The following TSPAN9 variants were observed in gnomAD, a reference collection of about 807,000 sequenced individuals.
TSPAN9 encodes tetraspanin 9.
In TSPAN9, 16 loss-of-function variants were observed where a neutral mutation model predicts 31.0. The ratio of observed to expected loss-of-function variants is 0.52; its 90% CI spans 0.35 to 0.78. The LOEUF is 0.78. TSPAN9 is among the 30% of genes least tolerant of loss of function. The pLI, the probability that TSPAN9 is intolerant of heterozygous loss-of-function variation, is 0.01. For synonymous variants in TSPAN9, 145 were observed against 121.6 expected, an observed-to-expected ratio of 1.19 and a Z score of -1.27; for missense variants, 272 against 312.5, an observed-to-expected ratio of 0.87 and a Z score of 0.98.
At chr12:3,084,026 A>G (rs1327672910) in intron 2 of TSPAN9, 3 of 152,132 alleles carry the variant, frequency 2.0e-5, no homozygotes, top group Non-Finnish European at 4.4e-5. Context: ...AGAGGCCTGT[A>G]ACTTCCTGCT....
intron 2 of TSPAN9, among the ~76,000 whole-genome samples, chr12:3,169,034 A>T (rs556280836): frequency 6.6e-6 from 1 of 152,224 alleles, no homozygotes; most frequent in Non-Finnish European, 1.5e-5. Flanking sequence ...CCCTGGCAAC[A>T]GTCTGCCAGG....
At chr12:3,131,992 T>C (rs1309508208) in intron 2 of TSPAN9, among the ~76,000 whole-genome samples, 1 of 152,196 alleles carries the variant, frequency 6.6e-6, no homozygotes, top group Non-Finnish European at 1.5e-5. Context: ...TTGCCTCTCC[T>C]GGACATTTCG....
At chr12:3,153,551 A>G (rs2098340847) in intron 2 of TSPAN9, among the ~76,000 whole-genome samples, 1 of 152,170 alleles carries the variant, frequency 6.6e-6, no homozygotes, top group Admixed American at 6.5e-5. Context: ...TATGATCATC[A>G]TCATCACACT....
chr12:3,181,492 ATGCTAAGGCAG>A (rs1327479674), intron 2 of TSPAN9, among the ~76,000 whole-genome samples: 6 of 152,140 alleles, frequency 3.9e-5, no homozygotes, highest in Non-Finnish European at 7.4e-5. Context: ...GGGGCCCAGA[ATGCTAAGGCAG>A]TGCCCATGGT....
rs1446405967 is a variant in TSPAN9 at position 3,249,088 on chromosome 12, T to TA, written c.64-29332dup. On this transcript the variant is annotated intron_variant, in intron 3 of 8. Coordinates refer to ENST00000011898, the MANE Select transcript of TSPAN9 (RefSeq NM_006675.5). Reference sequence around the variant, plus strand: ...CCCTAGTTCCTCTTAGTTCATTCGATACAGGCCTGCCAGAGTCTGCTTCCC... The same window carrying TA: ...CCCTAGTTCCTCTTAGTTCATTCGATAACAGGCCTGCCAGAGTCTGCTTCCC... Among the ~76,000 whole-genome samples, 10 of 152,230 alleles carry TA rather than the reference T, an allele frequency of 6.6e-5. No homozygotes were observed. In the South Asian group the frequency reaches 1.9e-3, roughly 28 times the overall value.
chr12:3,105,860 A>C (rs982404144), intron 2 of TSPAN9, among the ~76,000 whole-genome samples: 1 of 140,410 alleles, frequency 7.1e-6, no homozygotes, highest in Non-Finnish European at 1.5e-5. Flanking sequence ...ACACGTTCAC[A>C]CACACACGCT....
intron 3 of TSPAN9, among the ~76,000 whole-genome samples, chr12:3,208,408 AC>A (rs2098376435): frequency 6.6e-6 from 1 of 152,174 alleles, no homozygotes; most frequent in South Asian, 2.1e-4. Context: ...CTGCAGCTGC[AC>A]CTGCCATGCC....
intron 2 of TSPAN9, among the ~76,000 whole-genome samples, chr12:3,195,925 C>A (rs11062561): frequency 0.19 from 29,074 of 152,174 alleles, 3,548 homozygotes; most frequent in South Asian, 0.28. Flanking sequence ...AGCTCGGTGC[C>A]CATCCTGCCA....
intron 3 of TSPAN9, among the ~76,000 whole-genome samples, chr12:3,244,008 A>ACCTGGGCCAAGGCTGC (rs1453915081): frequency 6.6e-6 from 1 of 152,170 alleles, no homozygotes; most frequent in Non-Finnish European, 1.5e-5. Flanking sequence ...GGTGCCTGGC[A>ACCTGGGCCAAGGCTGC]CCTGGGCCAA....
chr12:3,118,506 C>T (rs2098323629), intron 2 of TSPAN9, among the ~76,000 whole-genome samples: 1 of 152,170 alleles, frequency 6.6e-6, no homozygotes, highest in Admixed American at 6.5e-5. Context: ...GATGATCCGA[C>T]CGCCTTGGCC....
At chr12:3,278,707 G>T (rs1433185340) in intron 4 of TSPAN9, 95 bp downstream of exon 4, 1 of 1,491,120 alleles carries the variant, frequency 6.7e-7, no homozygotes. Flanking sequence ...AGCCACCTGG[G>T]TGTCCAACCT....
intron 3 of TSPAN9, among the ~76,000 whole-genome samples, chr12:3,240,982 C>T (rs772346968): frequency 2.6e-5 from 4 of 152,228 alleles, no homozygotes; most frequent in Admixed American, 6.5e-5. Flanking sequence ...GATTTTTAAA[C>T]GGATAATTGC....
At chr12:3,209,659 A>G (rs1456122194) in intron 3 of TSPAN9, among the ~76,000 whole-genome samples, 1 of 152,016 alleles carries the variant, frequency 6.6e-6, no homozygotes, top group Non-Finnish European at 1.5e-5. Flanking sequence ...TCAGATTGCT[A>G]TAAACGTTTC....
intron 2 of TSPAN9, among the ~76,000 whole-genome samples, chr12:3,178,940 CAT>C (rs946253757): frequency 6.6e-6 from 1 of 152,204 alleles, no homozygotes; most frequent in African/African-American, 2.4e-5. Context: ...GTCCCCATCA[CAT>C]GTGGGGATCT....
intron 3 of TSPAN9, among the ~76,000 whole-genome samples, chr12:3,236,311 A>G (rs769503855): frequency 5.3e-5 from 8 of 152,222 alleles, no homozygotes; most frequent in African/African-American, 9.6e-5. Flanking sequence ...CCATTTATCT[A>G]GTACTTTCTG....
At chr12:3,151,191 T>C (rs2098339570) in intron 2 of TSPAN9, 1 of 152,302 alleles carries the variant, frequency 6.6e-6, no homozygotes, top group African/African-American at 2.4e-5. Context: ...TGCATGTGTG[T>C]GAGTGGGTGC....
At chr12:3,167,124 G>T (rs756261697) in intron 2 of TSPAN9, among the ~76,000 whole-genome samples, 9 of 152,122 alleles carry the variant, frequency 5.9e-5, no homozygotes, top group Non-Finnish European at 1.2e-4. Flanking sequence ...ACGTAAATGG[G>T]ATCATACAGC....
At chr12:3,216,629 A>G (rs1035973463) in intron 3 of TSPAN9, among the ~76,000 whole-genome samples, 1 of 152,174 alleles carries the variant, frequency 6.6e-6, no homozygotes, top group Non-Finnish European at 1.5e-5. Flanking sequence ...CTGAGGTGGA[A>G]CCCACTGGAA....
chr12:3,190,953 G>A (rs905853478), intron 2 of TSPAN9, among the ~76,000 whole-genome samples: 3 of 152,210 alleles, frequency 2.0e-5, no homozygotes, highest in Admixed American at 6.5e-5. Flanking sequence ...ATTTGGGAGC[G>A]GGGGAAGGTC....
Sources: allele counts gnomAD v4.1 joint callset (sites outside exome capture counted in the v4.1 genomes callset), GRCh38; gene constraint gnomAD v4.1.1; transcripts MANE v1.5; gene names NCBI Gene and HGNC (gene_info 2026-07-23, HGNC 2026-07-21).